The following TAFA2 variants were observed in gnomAD, a reference collection of about 807,000 sequenced individuals.
TAFA2 encodes the protein chemokine-like protein TAFA-2.
TAFA2 carries 7 observed loss-of-function variants against 18.8 expected under a neutral mutation model. That is an observed-to-expected ratio of 0.37 (90% confidence interval 0.21 to 0.70). The LOEUF (loss-of-function observed/expected upper bound fraction) is 0.70, where lower values mean the gene tolerates loss of function less well. Among genes scored for constraint, TAFA2 ranks in the 30% least tolerant of loss-of-function variants. The probability of loss-of-function intolerance (pLI) is 0.53; values close to 1 mark genes in which losing one functional copy is unlikely to be tolerated. For missense variants in TAFA2, 122 were observed against 158.1 expected (o/e 0.77, Z 1.23); for synonymous variants, 60 against 54.2 (o/e 1.11, Z -0.47).
intron 1 of TAFA2, among the ~76,000 whole-genome samples, chr12:62,003,303 C>T (rs770522222): frequency 5.9e-5 from 9 of 152,080 alleles, no homozygotes; most frequent in African/African-American, 1.9e-4. Flanking sequence ...AGCCATGAAC[C>T]GCACCCCCTT....
chr12:61,830,091 G>T (rs929326802), intron 2 of TAFA2, among the ~76,000 whole-genome samples: 1 of 151,410 alleles, frequency 6.6e-6, no homozygotes, highest in Non-Finnish European at 1.5e-5. Flanking sequence ...TAATAGCAAA[G>T]ATATGGAACC....
At chr12:61,857,423 G>A (rs550625174) in intron 2 of TAFA2, among the ~76,000 whole-genome samples, 6 of 151,986 alleles carry the variant, frequency 3.9e-5, no homozygotes, top group Non-Finnish European at 5.9e-5. Flanking sequence ...GTGGTGAGAG[G>A]GGAAGCTTTA....
At chr12:61,958,888 T>C (rs1878788440) in intron 1 of TAFA2, among the ~76,000 whole-genome samples, 1 of 152,024 alleles carries the variant, frequency 6.6e-6, no homozygotes, top group Admixed American at 6.6e-5. Context: ...ATTTACAGAT[T>C]TTTATTTTTC....
At chr12:61,904,043 A>G (rs1876232777) in intron 1 of TAFA2, among the ~76,000 whole-genome samples, 1 of 152,188 alleles carries the variant, frequency 6.6e-6, no homozygotes, top group South Asian at 2.1e-4. Flanking sequence ...TTCTTTTCAG[A>G]CACTAAGAAA....
At chr12:61,884,421 C>T (rs1057339502) in intron 1 of TAFA2, among the ~76,000 whole-genome samples, 1 of 152,144 alleles carries the variant, frequency 6.6e-6, no homozygotes. Flanking sequence ...GACAGTAGCT[C>T]ATATGACACC....
chr12:62,045,068 A>G (rs1881874708), intron 1 of TAFA2, among the ~76,000 whole-genome samples: 1 of 152,186 alleles, frequency 6.6e-6, no homozygotes, highest in South Asian at 2.1e-4. Context: ...AGCTTTCTTT[A>G]TGGAGAAACC....
chr12:61,919,079 G>A (rs192121277), intron 1 of TAFA2, among the ~76,000 whole-genome samples: 9 of 152,248 alleles, frequency 5.9e-5, no homozygotes, highest in Admixed American at 4.6e-4. Flanking sequence ...AGTAATTGTA[G>A]CAATTATTTT....
chr12:61,943,342 C>G (rs1878118817), intron 1 of TAFA2, among the ~76,000 whole-genome samples: 1 of 151,210 alleles, frequency 6.6e-6, no homozygotes, highest in African/African-American at 2.4e-5. Flanking sequence ...CCAGCCGCTG[C>G]AAAATCATGC....
chr12:61,890,129 T>G (rs1476668784), intron 1 of TAFA2, among the ~76,000 whole-genome samples: 1 of 152,262 alleles, frequency 6.6e-6, no homozygotes, highest in Non-Finnish European at 1.5e-5. Flanking sequence ...ATTTGGTTTT[T>G]AGGCAGCCTT....
chr12:62,092,506 G>A (rs1367423010), intron 1 of TAFA2, among the ~76,000 whole-genome samples: 4 of 151,804 alleles, frequency 2.6e-5, no homozygotes, highest in South Asian at 2.1e-4. Context: ...CATATTCCTT[G>A]ACATGAATAA....
intron 1 of TAFA2, among the ~76,000 whole-genome samples, chr12:61,925,609 G>A (rs985411836): frequency 1.6e-4 from 25 of 152,314 alleles, no homozygotes; most frequent in African/African-American, 5.5e-4. Flanking sequence ...ATAAAGCAGT[G>A]TTTAGAGGGA....
intron 1 of TAFA2, among the ~76,000 whole-genome samples, chr12:62,124,176 A>C (rs564946362): frequency 6.6e-6 from 1 of 152,212 alleles, no homozygotes; most frequent in East Asian, 1.9e-4. Flanking sequence ...TAATGATATA[A>C]AACTGTACAG....
At chr12:61,948,099 T>C (rs1361613317) in intron 1 of TAFA2, among the ~76,000 whole-genome samples, 1 of 152,214 alleles carries the variant, frequency 6.6e-6, no homozygotes, top group Non-Finnish European at 1.5e-5. Context: ...TCATTTAATC[T>C]ACACAAGAAA....
intron 1 of TAFA2, among the ~76,000 whole-genome samples, chr12:61,884,086 C>T (rs1875263060): frequency 6.6e-6 from 1 of 152,014 alleles, no homozygotes; most frequent in Admixed American, 6.6e-5. Context: ...AATGTCAAGC[C>T]AAAAGAGCAG....
At chr12:62,227,507 A>G (rs2062792250) in intron 1 of TAFA2, among the ~76,000 whole-genome samples, 2 of 152,212 alleles carry the variant, frequency 1.3e-5, no homozygotes. Context: ...TGAGTTTCTC[A>G]TGCATTCTGG....
At chr12:62,157,541 C>G in intron 1 of TAFA2, among the ~76,000 whole-genome samples, 1 of 152,196 alleles carries the variant, frequency 6.6e-6, no homozygotes, top group Non-Finnish European at 1.5e-5. Flanking sequence ...AACCACTCTG[C>G]GGTCCAGTCT....
chr12:62,058,111 T>C (rs1882233506), intron 1 of TAFA2, among the ~76,000 whole-genome samples: 1 of 152,230 alleles, frequency 6.6e-6, no homozygotes, highest in South Asian at 2.1e-4. Context: ...ATTTAAGATA[T>C]TATTCCACTG....
intron 1 of TAFA2, among the ~76,000 whole-genome samples, chr12:61,974,025 T>C (rs1416244481): frequency 2.6e-5 from 4 of 151,762 alleles, no homozygotes; most frequent in Non-Finnish European, 5.9e-5. Context: ...GTGTATTATG[T>C]TATGTAAAGG....
intron 1 of TAFA2, among the ~76,000 whole-genome samples, chr12:62,092,040 A>G (rs564218075): frequency 6.6e-6 from 1 of 152,092 alleles, no homozygotes; most frequent in Non-Finnish European, 1.5e-5. Context: ...TGTTAAATCT[A>G]CCAACCTGTT....
Sources: gnomAD v4.1 joint callset for allele counts (sites outside exome capture counted in the v4.1 genomes callset) on GRCh38, gnomAD v4.1.1 for gene constraint, MANE v1.5 for transcripts, NCBI Gene and HGNC (gene_info 2026-07-23, HGNC 2026-07-21) for gene names.